Variants in ENPP3 observed in about 807,000 individuals in gnomAD.
ENPP3 encodes the protein ectonucleotide pyrophosphatase/phosphodiesterase 3.
ENPP3 carries 104 observed loss-of-function variants against 117.8 expected under a neutral mutation model. That is an observed-to-expected ratio of 0.88 (90% CI 0.75 to 1.04). The LOEUF (loss-of-function observed/expected upper bound fraction) is 1.04. Among genes scored for constraint, ENPP3 ranks in the 50% least tolerant of loss-of-function variants. The pLI, the probability that ENPP3 is intolerant of heterozygous loss-of-function variation, is 0.00. For synonymous variants in ENPP3, 380 were observed against 349.9 expected, an observed-to-expected ratio of 1.09 and a Z score of -0.96; for missense variants, 1,026 against 1,051.9, an observed-to-expected ratio of 0.98 and a Z score of 0.34.
chr6:131,637,540 T>C, intron 1 of ENPP3, 78 bp downstream of exon 1: 2 of 775,696 alleles, frequency 2.6e-6, no homozygotes, highest in Non-Finnish European at 4.1e-6. Flanking sequence ...TTTACATTTC[T>C]TTGTGTTGCT....
intron 2 of ENPP3, among the ~76,000 whole-genome samples, chr6:131,649,692 A>G (rs1315443974): frequency 6.6e-6 from 1 of 152,166 alleles, no homozygotes; most frequent in Non-Finnish European, 1.5e-5. Context: ...AGTAGCTAGG[A>G]CCATAGGCGT....
chr6:131,673,723 A>C (rs1778800545), intron 7 of ENPP3, among the ~76,000 whole-genome samples: 1 of 151,812 alleles, frequency 6.6e-6, no homozygotes, highest in African/African-American at 2.4e-5. Flanking sequence ...ACAGACAGAA[A>C]GAAAGAAAGA....
chr6:131,695,978 C>G (rs746652848), intron 15 of ENPP3, among the ~76,000 whole-genome samples: 2 of 151,400 alleles, frequency 1.3e-5, no homozygotes, highest in Non-Finnish European at 3.0e-5. Context: ...TCTTAAAACA[C>G]AAGCCTCCAG....
At chr6:131,658,462 C>G in intron 6 of ENPP3, 42 bp downstream of exon 6, 1 of 1,031,880 alleles carries the variant, frequency 9.7e-7, no homozygotes, top group Non-Finnish European at 1.5e-6. Context: ...GATAAAGACA[C>G]CTAGTTAGTC....
At chr6:131,656,322 G>C (rs1318933129) in intron 5 of ENPP3, among the ~76,000 whole-genome samples, 1 of 151,888 alleles carries the variant, frequency 6.6e-6, no homozygotes, top group Non-Finnish European at 1.5e-5. Context: ...AAATAAAAAT[G>C]AAAAAAGATA....
At chr6:131,644,683 G>C (rs2114294565) in intron 2 of ENPP3, among the ~76,000 whole-genome samples, 1 of 152,324 alleles carries the variant, frequency 6.6e-6, no homozygotes, top group Non-Finnish European at 1.5e-5. Context: ...AAGCGCAGAA[G>C]TCAAGAATGT....
chr6:131,650,333 C>T (rs1328077496), intron 3 of ENPP3, among the ~76,000 whole-genome samples, 184 bp downstream of exon 3: 2 of 152,056 alleles, frequency 1.3e-5, no homozygotes, highest in African/African-American at 2.4e-5. Context: ...GATCTTTCCA[C>T]CTCAGCCTCC....
intron 11 of ENPP3, 138 bp from the exon 12 acceptor site, chr6:131,682,915 TA>T: frequency 1.5e-6 from 1 of 647,916 alleles, no homozygotes; most frequent in Non-Finnish European, 2.8e-6. Flanking sequence ...GCATGGGTGC[TA>T]GTGCTGGGCT....
At chr6:131,676,196 T>C (rs1375663311) in intron 9 of ENPP3, among the ~76,000 whole-genome samples, 1 of 152,110 alleles carries the variant, frequency 6.6e-6, no homozygotes, top group Non-Finnish European at 1.5e-5. Flanking sequence ...TTACCCCAGT[T>C]ATACTTAAGA....
chr6:131,723,802 T>TTCTC (rs4053085), intron 18 of ENPP3, among the ~76,000 whole-genome samples: 66,674 of 136,200 alleles, frequency 0.49, 17,282 homozygotes, highest in East Asian at 0.87. Flanking sequence ...TTTTTGCAAA[T>TTCTC]TCTCTCTCTC....
chr6:131,731,624 C>T (rs1384304055), intron 20 of ENPP3, among the ~76,000 whole-genome samples: 1 of 152,074 alleles, frequency 6.6e-6, no homozygotes, highest in African/African-American at 2.4e-5. Context: ...TTTTTGCAGA[C>T]TTTTTCAATC....
intron 10 of ENPP3, among the ~76,000 whole-genome samples, chr6:131,677,526 G>A (rs1778895668): frequency 6.6e-6 from 1 of 152,142 alleles, no homozygotes; most frequent in South Asian, 2.1e-4. Context: ...GACACCAGAA[G>A]AAAGAACTTG....
chr6:131,724,903 C>A (rs1413968970), intron 19 of ENPP3, among the ~76,000 whole-genome samples: 2 of 151,460 alleles, frequency 1.3e-5, no homozygotes, highest in African/African-American at 4.9e-5. Context: ...GTGTTTTTTT[C>A]TATTAAAAGT....
At chr6:131,720,243 T>C (rs1426380629) in intron 16 of ENPP3, 49 bp from the exon 17 acceptor site, 1 of 1,208,198 alleles carries the variant, frequency 8.3e-7, no homozygotes, top group Admixed American at 2.3e-5. Context: ...ATATTTGTTT[T>C]TGAATTTGGA....
chr6:131,730,893 C>A (rs1431192990), intron 20 of ENPP3, among the ~76,000 whole-genome samples: 3 of 147,974 alleles, frequency 2.0e-5, no homozygotes, highest in Non-Finnish European at 4.4e-5. Flanking sequence ...CCAGCCTGGG[C>A]CAGATAGTGA....
chr6:131,692,939 GT>G (rs1417389011), intron 14 of ENPP3, among the ~76,000 whole-genome samples: 1 of 143,776 alleles, frequency 7.0e-6, no homozygotes, highest in African/African-American at 2.5e-5. Flanking sequence ...ATGATATATA[GT>G]TATATATTAT....
At chr6:131,652,429 C>T in intron 3 of ENPP3, 113 bp from the exon 4 acceptor site, 1 of 1,119,966 alleles carries the variant, frequency 8.9e-7, no homozygotes, top group Non-Finnish European at 1.3e-6. Context: ...TTTATTAATA[C>T]AGATAAACCA....
intron 15 of ENPP3, among the ~76,000 whole-genome samples, chr6:131,717,728 A>C (rs76480297): frequency 0.036 from 5,520 of 152,284 alleles, 150 homozygotes; most frequent in Non-Finnish European, 0.057. Flanking sequence ...TTATAATAAT[A>C]ATCTCTGAAT....
chr6:131,720,049 A>G (rs1162409191), intron 16 of ENPP3, among the ~76,000 whole-genome samples: 2 of 152,190 alleles, frequency 1.3e-5, no homozygotes, highest in Non-Finnish European at 1.5e-5. Context: ...TTATTGGCAC[A>G]TGAGGTGCTA....
Sources: gnomAD v4.1 joint callset for allele counts (sites outside exome capture counted in the v4.1 genomes callset) on GRCh38, gnomAD v4.1.1 for gene constraint, MANE v1.5 for transcripts, NCBI Gene and HGNC (gene_info 2026-07-23, HGNC 2026-07-21) for gene names.